NRXN3: variants seen among roughly 807,000 people sequenced by gnomAD.
The protein encoded by NRXN3 is neurexin 3.
A neutral mutation model predicts 137.6 loss-of-function variants in NRXN3; 32 were observed. The ratio of observed to expected loss-of-function variants is 0.23; its 90% confidence interval spans 0.18 to 0.31. The LOEUF is 0.31. NRXN3 is among the 10% of genes least tolerant of loss of function. The probability of loss-of-function intolerance (pLI) is 1.00; values close to 1 mark genes in which losing one functional copy is unlikely to be tolerated. For missense variants in NRXN3, 1,574 were observed against 2,062.5 expected (o/e 0.76, Z 4.59); for synonymous variants, 798 against 784.5 (o/e 1.02, Z -0.29).
intron 17 of NRXN3, among the ~76,000 whole-genome samples, chr14:79,679,353 G>T (rs1047703324): frequency 6.6e-6 from 1 of 152,014 alleles, no homozygotes; most frequent in Non-Finnish European, 1.5e-5. Context: ...CTTTAGACAT[G>T]TTCCTCAGAT....
At chr14:79,087,313 CCAGGTCT>C (rs1231908376) in intron 15 of NRXN3, among the ~76,000 whole-genome samples, 6 of 152,152 alleles carry the variant, frequency 3.9e-5, no homozygotes, top group Non-Finnish European at 2.9e-5. Flanking sequence ...CAGTAAAACC[CCAGGTCT>C]CATTTGCTGG....
rs752706351 is a variant in NRXN3 at position 78,803,840 on chromosome 14, C to T, written c.2248+17C>T. On this transcript the variant is annotated intron_variant, in intron 9 of 20. Transcript: ENST00000335750. ...TTAACTTAGGTATCGTATGAAGTAC[C>T]CTCTGCCACTTCGTTTGGGCTTGTC... The T allele has an allele frequency of 5.0e-6, 8 of 1,605,360 alleles. No homozygotes were observed. Among genetic ancestry groups the T allele is most frequent in the Non-Finnish European group, 6.8e-6 (8 of 1,174,582 alleles).
chr14:79,622,832 G>A (rs908525588), intron 16 of NRXN3, among the ~76,000 whole-genome samples: 2 of 152,074 alleles, frequency 1.3e-5, no homozygotes, highest in South Asian at 2.1e-4. Context: ...TCCTGACCTC[G>A]TGATCCACCT....
intron 4 of NRXN3, among the ~76,000 whole-genome samples, chr14:78,377,954 G>T (rs1181832709): frequency 6.6e-6 from 1 of 152,142 alleles, no homozygotes; most frequent in Non-Finnish European, 1.5e-5. Flanking sequence ...ATACCCAACA[G>T]CAGCAGAATA....
At chr14:79,418,819 A>G (rs890354885) in intron 15 of NRXN3, among the ~76,000 whole-genome samples, 2 of 152,182 alleles carry the variant, frequency 1.3e-5, no homozygotes, top group Non-Finnish European at 2.9e-5. Flanking sequence ...GTGACAGTAA[A>G]TTGGAGCACT....
chr14:79,140,417 T>C (rs570611168), intron 15 of NRXN3, among the ~76,000 whole-genome samples: 2 of 152,300 alleles, frequency 1.3e-5, no homozygotes, highest in South Asian at 4.1e-4. Context: ...GCTGTTTACC[T>C]CTGTACCCAG....
At chr14:78,600,560 T>G (rs1403512810) in intron 4 of NRXN3, among the ~76,000 whole-genome samples, 1 of 152,178 alleles carries the variant, frequency 6.6e-6, no homozygotes, top group Non-Finnish European at 1.5e-5. Context: ...ATGATTTGCT[T>G]CCTTTTGTTG....
At chr14:78,940,290 A>C (rs909588203) in intron 10 of NRXN3, among the ~76,000 whole-genome samples, 2 of 152,174 alleles carry the variant, frequency 1.3e-5, no homozygotes, top group Non-Finnish European at 2.9e-5. Context: ...TTCTCTAACA[A>C]GTATTACTTG....
At chr14:78,942,620 C>G (rs916317552) in intron 10 of NRXN3, among the ~76,000 whole-genome samples, 1 of 151,778 alleles carries the variant, frequency 6.6e-6, no homozygotes, top group Non-Finnish European at 1.5e-5. Flanking sequence ...AGGCTGAAAA[C>G]AGGAGGGGGA....
intron 15 of NRXN3, among the ~76,000 whole-genome samples, chr14:79,425,441 T>A (rs2095641335): frequency 6.6e-6 from 1 of 152,226 alleles, no homozygotes; most frequent in African/African-American, 2.4e-5. Context: ...TTGCAAAGAC[T>A]ACTTGGGATA....
At chr14:78,171,640 A>T (rs2153312515) in intron 1 of NRXN3, among the ~76,000 whole-genome samples, 1 of 152,134 alleles carries the variant, frequency 6.6e-6, no homozygotes, top group South Asian at 2.1e-4. Context: ...AAGGAAAAAA[A>T]TGTGTCCCCC....
At chr14:79,409,617 C>G (rs201278928) in intron 15 of NRXN3, among the ~76,000 whole-genome samples, 8,970 of 111,750 alleles carry the variant, frequency 0.08, 457 homozygotes, top group African/African-American at 0.15. Context: ...GTGTGTGTGT[C>G]TATATATATA....
chr14:78,291,421 C>T lies in NRXN3; in HGVS notation c.728-6410C>T, dbSNP rs115720460. On this transcript the variant is annotated intron_variant, in intron 3 of 20. Coordinates refer to ENST00000335750, the MANE Select transcript of NRXN3 (RefSeq NM_001330195.2). Reference sequence around the variant, plus strand: ...TTACCAAGTTAACTGAATTCCGTCTCTTTAGTGCTTAAAATGCTAAGATGT... The same window carrying T: ...TTACCAAGTTAACTGAATTCCGTCTTTTTAGTGCTTAAAATGCTAAGATGT... Among the ~76,000 whole-genome samples the T allele has an allele frequency of 7.1e-3, 1,083 of 152,326 alleles. 11 individuals are homozygous for T. The highest frequency in any genetic ancestry group is 0.025 in the African/African-American group (1,024 of 41,574).
chr14:78,463,340 A>G (rs946855602), intron 4 of NRXN3, among the ~76,000 whole-genome samples: 23 of 138,208 alleles, frequency 1.7e-4, no homozygotes, highest in African/African-American at 6.2e-4. Context: ...GCTATTGTGA[A>G]TAGTGGCTGC....
chr14:79,729,879 C>G (rs2098915481), intron 19 of NRXN3, among the ~76,000 whole-genome samples: 1 of 152,164 alleles, frequency 6.6e-6, no homozygotes, highest in Non-Finnish European at 1.5e-5. Context: ...TGTCATCCTC[C>G]TCCTTTGAGG....
At chr14:78,463,509 C>A (rs1004277170) in intron 4 of NRXN3, among the ~76,000 whole-genome samples, 1 of 151,354 alleles carries the variant, frequency 6.6e-6, no homozygotes, top group Non-Finnish European at 1.5e-5. Context: ...AATTTACATT[C>A]CTACAGTGTA....
At position 78,570,796 on chromosome 14, in the gene NRXN3, C is replaced by T. The variant is rs529088532; in HGVS notation, c.758-74324C>T. 1.6e-4 allele frequency among the ~76,000 whole-genome samples: 25 copies of T among 152,290 alleles called. No individual in the cohort carries two copies. In the South Asian group the frequency reaches 5.2e-3, roughly 32 times the overall value. ...TGCATTGGTGACTTTTTAAAGCCGC[C>T]CAGTAGTTGAGCCCCCTTTCTGCAT... On this transcript the variant is annotated intron_variant, in intron 4 of 20. Transcript: ENST00000335750.
chr14:78,842,803 A>G (rs2099016309), intron 10 of NRXN3, among the ~76,000 whole-genome samples: 1 of 152,114 alleles, frequency 6.6e-6, no homozygotes, highest in Non-Finnish European at 1.5e-5. Context: ...GAGAAAAACA[A>G]TTCAGAGATA....
In NRXN3 at chr14:78,247,788, G is replaced by T. The variant is rs1005753462; in HGVS notation, c.709+3986G>T. Among the ~76,000 whole-genome samples the T allele has an allele frequency of 2.6e-5, 4 of 152,166 alleles. No homozygotes were observed. In the East Asian group the frequency reaches 7.7e-4, roughly 29 times the overall value. On this transcript the variant is annotated intron_variant, in intron 2 of 20. Transcript: ENST00000335750. ...TGAGAGTTTGTCAGCACCTTGAAAT[G>T]AGTTTAAACTTGTTTATTTTTAAAA... is the stretch of plus-strand genomic sequence containing the variant.
Sources: allele counts gnomAD v4.1 joint callset (sites outside exome capture counted in the v4.1 genomes callset), GRCh38; gene constraint gnomAD v4.1.1; transcripts MANE v1.5; gene names NCBI Gene and HGNC (gene_info 2026-07-23, HGNC 2026-07-21).